ZNF592: variants seen among roughly 807,000 people sequenced by gnomAD.
The protein encoded by ZNF592 is zinc finger protein 592.
ZNF592 carries 11 observed loss-of-function variants against 80.3 expected under a neutral mutation model. The observed-to-expected ratio is 0.14, with a 90% confidence interval of 0.09 to 0.23. The LOEUF is 0.23. Among genes scored for constraint, ZNF592 ranks in the 10% least tolerant of loss-of-function variants. The pLI, the probability that ZNF592 is intolerant of heterozygous loss-of-function variation, is 1.00. For synonymous variants in ZNF592, 646 were observed against 640.3 expected (o/e 1.01, Z -0.13); for missense variants, 1,420 against 1,633.9 (o/e 0.87, Z 2.26).
intron 10 of ZNF592, 150 bp from the exon 11 acceptor site, chr15:84,801,713 T>G: frequency 7.0e-6 from 8 of 1,135,312 alleles, no homozygotes; most frequent in Non-Finnish European, 1.0e-5. Flanking sequence ...AAACAAAGAA[T>G]TGAAACAAAC....
chr15:84,775,060 C>T (rs1455498200), intron 2 of ZNF592, among the ~76,000 whole-genome samples: 1 of 152,010 alleles, frequency 6.6e-6, no homozygotes, highest in African/African-American at 2.4e-5. Flanking sequence ...AGATTACAGG[C>T]ATGAGTCCCA....
rs1190052771 is a variant in ZNF592 at position 84,797,892 on chromosome 15, A to G, written c.2423A>G (p.His808Arg). ...GYRCIHCGVV[H>R]LTLALLKSHI... ...AGGTGCATCCACTGTGGTGTCGTCC[A>G]CCTGACCTTGGCCTTGCTGAAAAGC... Residue 808 changes from histidine to arginine, a missense_variant, in exon 6 of 11, where the codon CAC (histidine) becomes CGC (arginine). Transcript: ENST00000560079. The G allele has an allele frequency of 6.2e-7, 1 of 1,614,188 alleles. No individual in the cohort carries two copies. The highest frequency in any genetic ancestry group is 1.7e-5 in the Admixed American group (1 of 60,028).
In ZNF592 at chr15:84,777,694, CTT is replaced by C. The variant is rs397854471; in HGVS notation, c.-149-467_-149-466del. Among the ~76,000 whole-genome samples, 138 of 98,412 alleles carry C rather than the reference CTT, an allele frequency of 1.4e-3. 8 individuals are homozygous for C. Among genetic ancestry groups the C allele is most frequent in the South Asian group, 5.6e-3 (17 of 3,046 alleles). The allele number at this position is 98,412 out of a possible 152,430, so 64.6% of individuals were successfully genotyped here. A position where few individuals can be genotyped will look rare whatever the true frequency, so the allele number is the denominator to read the frequency against. The stretch of plus-strand genomic sequence containing the variant: ...GAAAATAATTTCGTCTGTTGAGATA[CTT>C]TTTTTTTTTTTTTTTTTTTTTGAGA... On this transcript the variant is annotated intron_variant, in intron 2 of 10. Transcript: ENST00000560079.
At chr15:84,788,818 T>C (rs1962657994) in intron 4 of ZNF592, among the ~76,000 whole-genome samples, 1 of 152,200 alleles carries the variant, frequency 6.6e-6, no homozygotes, top group African/African-American at 2.4e-5. Flanking sequence ...TCTAGGTATC[T>C]CATACAAGTG....
intron 1 of ZNF592, among the ~76,000 whole-genome samples, chr15:84,754,963 GTTTT>G (rs36104262): frequency 9.0e-6 from 1 of 110,674 alleles, no homozygotes; most frequent in Non-Finnish European, 1.8e-5. Flanking sequence ...CCCCTGAGTT[GTTTT>G]TTTTTTTTTT....
chr15:84,757,957 C>T (rs2141961066), intron 1 of ZNF592, among the ~76,000 whole-genome samples: 1 of 151,164 alleles, frequency 6.6e-6, no homozygotes, highest in Non-Finnish European at 1.5e-5. Context: ...CCACTGTGCC[C>T]AGCCGTTAAT....
intron 2 of ZNF592, among the ~76,000 whole-genome samples, chr15:84,777,924 T>TGGTTAGG (rs1231811458): frequency 5.9e-5 from 9 of 152,050 alleles, no homozygotes; most frequent in Non-Finnish European, 1.2e-4. Flanking sequence ...AGTCTCCAAC[T>TGGTTAGG]CGTGACCTGG....
At chr15:84,758,065 C>T (rs1318108571) in intron 1 of ZNF592, among the ~76,000 whole-genome samples, 2 of 151,924 alleles carry the variant, frequency 1.3e-5, no homozygotes, top group Non-Finnish European at 2.9e-5. Context: ...CTCCGCCTCC[C>T]AGGTTAAAGG....
Position 84,802,050 on chromosome 15 carries a change from A to T in ZNF592, c.3461A>T (p.Gln1154Leu). 6.2e-7 allele frequency: 1 copy of T among 1,613,806 alleles called. No individual in the cohort carries two copies. Among genetic ancestry groups the T allele is most frequent in the South Asian group, 1.1e-5 (1 of 91,056 alleles). The stretch of plus-strand genomic sequence containing the variant: ...CACCAGGTGGACAGCTCCACAGCCC[A>T]ATGTCTCCTCTGTGGTTTGTGCTAC... ...PQHQVDSSTAQCLLCGLCYTS... is the reference protein window; with the variant it reads ...PQHQVDSSTALCLLCGLCYTS... The change falls in exon 11 of 11, where the codon CAA becomes CTA. Residue 1154 changes from glutamine to leucine, a missense_variant. By Grantham distance (113) the Gln-to-Leu change is moderately radical (BLOSUM62 -2). Around this residue, in one of 7 missense-constraint regions of ZNF592, gnomAD observed 145 missense variants for 211.9 expected, o/e 0.68. Coordinates refer to ENST00000560079, the MANE Select transcript of ZNF592 (RefSeq NM_014630.3).
At chr15:84,797,539 C>T (rs1191594329) in intron 5 of ZNF592, among the ~76,000 whole-genome samples, 1 of 152,224 alleles carries the variant, frequency 6.6e-6, no homozygotes, top group East Asian at 1.9e-4. Flanking sequence ...ATTTTCTTCC[C>T]TCTCCACTTC....
intron 1 of ZNF592, among the ~76,000 whole-genome samples, chr15:84,754,105 G>A (rs1168974251): frequency 6.6e-6 from 1 of 152,132 alleles, no homozygotes. Context: ...CCTTTTTATG[G>A]CTCAGAGAAA....
At position 84,783,330 on chromosome 15, in the gene ZNF592, G is replaced by T. The variant is rs895123265; in HGVS notation, c.655G>T (p.Glu219Ter). 6.2e-7 allele frequency: 1 copy of T among 1,614,224 alleles called. No homozygotes were observed. Reference sequence around the variant, plus strand: ...GCCCTTGGGGAGCCAGCAGGAACACGAGCAAAGTGGGCAGAACACAGTGGA... The same window carrying T: ...GCCCTTGGGGAGCCAGCAGGAACACTAGCAAAGTGGGCAGAACACAGTGGA... ...PLPLGSQQEH[E>*]QSGQNTVEPH... The change falls in exon 4 of 11, where the codon GAG becomes TAG. Residue 219 changes from glutamate (E) to a stop codon, truncating the protein, a stop_gained. Transcript: ENST00000560079. LOFTEE classifies it high-confidence loss of function. The surrounding 1 kb of genome is among the most constrained non-coding windows in gnomAD (Gnocchi z 5.0).
intron 2 of ZNF592, among the ~76,000 whole-genome samples, chr15:84,775,464 G>A (rs1226324420): frequency 5.9e-5 from 9 of 151,668 alleles, no homozygotes; most frequent in South Asian, 2.1e-4. Flanking sequence ...ACAGAGTCTC[G>A]CTCTGTTGCC....
At chr15:84,777,475 C>CAAAAAAAAAAAAAAA (rs549871970) in intron 2 of ZNF592, among the ~76,000 whole-genome samples, 1 of 55,118 alleles carries the variant, frequency 1.8e-5, no homozygotes. Context: ...GACTCCGTCT[C>CAAAAAAAAAAAAAAA]AAAAAAAAAA....
chr15:84,775,221 A>T (rs1479879563), intron 2 of ZNF592, among the ~76,000 whole-genome samples: 1 of 151,178 alleles, frequency 6.6e-6, no homozygotes, highest in Non-Finnish European at 1.5e-5. Flanking sequence ...TCAGCCTCCT[A>T]AGTAGCTGAG....
chr15:84,752,683 C>T lies in ZNF592; in HGVS notation c.-259+4019C>T, dbSNP rs548399278. Among the ~76,000 whole-genome samples, 7 of 152,284 alleles carry T rather than the reference C, an allele frequency of 4.6e-5. No individual in the cohort carries two copies. In the East Asian group the frequency reaches 1.2e-3, roughly 25 times the overall value. On this transcript the variant is annotated intron_variant, in intron 1 of 10. Coordinates refer to ENST00000560079, the MANE Select transcript of ZNF592 (RefSeq NM_014630.3). The stretch of plus-strand genomic sequence containing the variant: ...CAGAGAGTCTTAGATACATCACATA[C>T]ATCCCATGATAGACGTTGCAGTTAG...
chr15:84,759,500 T>G (rs1374652308), intron 1 of ZNF592, among the ~76,000 whole-genome samples: 7 of 152,190 alleles, frequency 4.6e-5, no homozygotes. Flanking sequence ...CCACAAAGTA[T>G]GAACCCCAGT....
rs1962477338 is a variant in ZNF592 at position 84,783,317 on chromosome 15, C to G, written c.642C>G (p.Ser214Arg). 1.2e-6 allele frequency: 2 copies of G among 1,614,202 alleles called. No homozygotes were observed. The highest frequency in any genetic ancestry group is 4.5e-5 in the East Asian group (2 of 44,886). Residue 214 changes from serine (S) to arginine (R), a missense_variant, in exon 4 of 11, where the codon AGC becomes AGG. Physicochemically the swap from Ser to Arg is moderately radical, Grantham distance 110. Around this residue, in one of 7 missense-constraint regions of ZNF592, gnomAD observed 373 missense variants for 355.5 expected, o/e 1.05. Transcript: ENST00000560079. The surrounding 1 kb of genome is among the most constrained non-coding windows in gnomAD (Gnocchi z 5.0). ...EPKPEPLPLG[S>R]QQEHEQSGQN... ...AGCCAGAACCCCTGCCCTTGGGGAG[C>G]CAGCAGGAACACGAGCAAAGTGGGC...
At chr15:84,775,871 A>G (rs1032956117) in intron 2 of ZNF592, among the ~76,000 whole-genome samples, 2 of 152,250 alleles carry the variant, frequency 1.3e-5, no homozygotes, top group Non-Finnish European at 2.9e-5. Flanking sequence ...TGGGCAAAGT[A>G]GTAGACTCTG....
Sources: gnomAD v4.1 joint callset for allele counts (sites outside exome capture counted in the v4.1 genomes callset) on GRCh38, gnomAD v4.1.1 for gene constraint, gnomAD v4.1.1 regional missense constraint, Gnocchi (gnomAD v3.1) non-coding constraint, MANE v1.5 for transcripts, NCBI Gene and HGNC (gene_info 2026-07-23, HGNC 2026-07-21) for gene names.